Variants in PLXNA4 observed in about 807,000 individuals in gnomAD.
PLXNA4 encodes the protein plexin-A4.
In PLXNA4, 44 loss-of-function variants were observed where a neutral mutation model predicts 191.8. The ratio of observed to expected loss-of-function variants is 0.23; its 90% confidence interval spans 0.18 to 0.29. The LOEUF is 0.29. PLXNA4 is among the 10% of genes least tolerant of loss of function. The pLI is 1.00. For missense variants in PLXNA4, 1,800 were observed against 2,488.8 expected, an observed-to-expected ratio of 0.72 and a Z score of 5.89; for synonymous variants, 1,082 against 1,009.5, an observed-to-expected ratio of 1.07 and a Z score of -1.36.
In PLXNA4 at chr7:132,125,363, T is replaced by C. The variant is rs1183474650; in HGVS notation, c.*5116A>G. 6.6e-6 allele frequency: 1 copy of C among 152,076 alleles called. No individual in the cohort carries two copies. The highest frequency in any genetic ancestry group is 2.4e-5 in the African/African-American group (1 of 41,500). 9.4% of individuals were successfully genotyped at this position (152,076 alleles called of 1,614,324 possible). ...CAGGAATAGCAGCAGCCATGTGAGA[T>C]GCCACCCCTAGCATTGTCCTCATCC... On this transcript the variant is annotated 3_prime_UTR_variant, in exon 32 of 32. Coordinates refer to ENST00000321063, the MANE Select transcript of PLXNA4 (RefSeq NM_020911.2).
intron 5 of PLXNA4, among the ~76,000 whole-genome samples, chr7:132,231,609 G>A (rs1375086291): frequency 1.3e-5 from 2 of 152,034 alleles, no homozygotes; most frequent in Non-Finnish European, 2.9e-5. Context: ...TTTTTTGGTA[G>A]AGATGGGGTT....
chr7:132,463,057 C>T (rs1327528619), intron 3 of PLXNA4, among the ~76,000 whole-genome samples: 1 of 152,014 alleles, frequency 6.6e-6, no homozygotes, highest in Non-Finnish European at 1.5e-5. Flanking sequence ...ACCATGTTGG[C>T]CAGGTTGGTC....
intron 25 of PLXNA4, among the ~76,000 whole-genome samples, chr7:132,158,352 C>A (rs1402472745): frequency 1.3e-5 from 2 of 152,178 alleles, no homozygotes; most frequent in African/African-American, 4.8e-5. Context: ...CCAAAGCCAG[C>A]TTAGAGGCCA....
At chr7:132,309,999 A>G (rs1801666153) in intron 3 of PLXNA4, among the ~76,000 whole-genome samples, 1 of 152,136 alleles carries the variant, frequency 6.6e-6, no homozygotes, top group African/African-American at 2.4e-5. Context: ...GCTCCCTTAT[A>G]AGCTATAGGG....
intron 1 of PLXNA4, among the ~76,000 whole-genome samples, chr7:132,561,942 CCCTCCTCTTTCT>C (rs1801148133): frequency 9.7e-6 from 1 of 102,996 alleles, no homozygotes; most frequent in Admixed American, 9.7e-5. Context: ...CTCCTCCTTA[CCCTCCTCTTTCT>C]CCTCCTCCTC....
intron 1 of PLXNA4, among the ~76,000 whole-genome samples, chr7:132,555,131 T>C (rs1001286029): frequency 6.6e-6 from 1 of 151,746 alleles, no homozygotes; most frequent in African/African-American, 2.4e-5. Context: ...CCAGGTCCTA[T>C]AAAAATAACG....
chr7:132,305,612 G>A (rs998255332), intron 3 of PLXNA4, among the ~76,000 whole-genome samples: 1 of 152,138 alleles, frequency 6.6e-6, no homozygotes, highest in Non-Finnish European at 1.5e-5. Flanking sequence ...CGTGGCCTCC[G>A]CAAAGGTCAG....
At chr7:132,368,191 C>T (rs575044865) in intron 3 of PLXNA4, among the ~76,000 whole-genome samples, 12 of 152,212 alleles carry the variant, frequency 7.9e-5, no homozygotes, top group Non-Finnish European at 8.8e-5. Context: ...GGGGCAGTGT[C>T]GCCTCCATAA....
chr7:132,217,205 C>G (rs767888404), intron 9 of PLXNA4, among the ~76,000 whole-genome samples: 3 of 152,224 alleles, frequency 2.0e-5, no homozygotes, highest in Non-Finnish European at 4.4e-5. Flanking sequence ...GGCAGGAACA[C>G]GAAGCCAAAG....
intron 1 of PLXNA4, among the ~76,000 whole-genome samples, chr7:132,525,382 T>G (rs1799359569): frequency 6.6e-6 from 1 of 152,192 alleles, no homozygotes; most frequent in Non-Finnish European, 1.5e-5. Flanking sequence ...TCTGGGTAGC[T>G]GGGACAGCAT....
At chr7:132,300,171 G>C (rs950010458) in intron 3 of PLXNA4, among the ~76,000 whole-genome samples, 4 of 152,192 alleles carry the variant, frequency 2.6e-5, no homozygotes, top group African/African-American at 9.7e-5. Context: ...TGATACCCAG[G>C]TACATTAAAC....
chr7:132,506,772 T>C (rs1207663137), intron 2 of PLXNA4, among the ~76,000 whole-genome samples: 1 of 152,178 alleles, frequency 6.6e-6, no homozygotes, highest in Non-Finnish European at 1.5e-5. Context: ...CTGCTCTCCC[T>C]CTGGCTCCCC....
chr7:132,291,718 C>T (rs571632169), intron 4 of PLXNA4, among the ~76,000 whole-genome samples: 2 of 152,302 alleles, frequency 1.3e-5, no homozygotes, highest in African/African-American at 4.8e-5. Context: ...CTCTACCATG[C>T]ATTCATCCTA....
chr7:132,341,715 A>G (rs1478005090), intron 3 of PLXNA4, among the ~76,000 whole-genome samples: 1 of 152,012 alleles, frequency 6.6e-6, no homozygotes, highest in Admixed American at 6.6e-5. Context: ...CATGGCCCTT[A>G]CCCTGTCCCT....
intron 3 of PLXNA4, among the ~76,000 whole-genome samples, chr7:132,423,739 A>G (rs1164519180): frequency 6.6e-6 from 1 of 152,082 alleles, no homozygotes; most frequent in Non-Finnish European, 1.5e-5. Flanking sequence ...TGATCCGATA[A>G]CAACAGAGCT....
intron 3 of PLXNA4, among the ~76,000 whole-genome samples, chr7:132,387,536 A>G (rs986886305): frequency 6.6e-6 from 1 of 152,232 alleles, no homozygotes; most frequent in East Asian, 1.9e-4. Flanking sequence ...AAAACTGAAT[A>G]GCCCATCTGT....
At chr7:132,440,063 A>C (rs1795637921) in intron 3 of PLXNA4, among the ~76,000 whole-genome samples, 1 of 152,124 alleles carries the variant, frequency 6.6e-6, no homozygotes. Context: ...CATAAAACAC[A>C]AATTTATCTT....
chr7:132,227,960 A>C (rs1180379820), intron 6 of PLXNA4, among the ~76,000 whole-genome samples: 1 of 152,088 alleles, frequency 6.6e-6, no homozygotes, highest in African/African-American at 2.4e-5. Flanking sequence ...AACACCAACC[A>C]CCAAGTGCTC....
At chr7:132,311,193 T>TGTGTGCGCGC (rs71178034) in intron 3 of PLXNA4, among the ~76,000 whole-genome samples, 64 of 89,906 alleles carry the variant, frequency 7.1e-4, no homozygotes, top group African/African-American at 1.7e-3. Flanking sequence ...TGTGTGTGTG[T>TGTGTGCGCGC]GCGCGTGTGG....
Sources: gnomAD v4.1 joint callset for allele counts (sites outside exome capture counted in the v4.1 genomes callset) on GRCh38, gnomAD v4.1.1 for gene constraint, MANE v1.5 for transcripts, NCBI Gene and HGNC (gene_info 2026-07-23, HGNC 2026-07-21) for gene names.